WWOX: variants seen among roughly 807,000 people sequenced by gnomAD.
The protein encoded by WWOX is WW domain containing oxidoreductase.
A neutral mutation model predicts 46.2 loss-of-function variants in WWOX; 69 were observed. That is an observed-to-expected ratio of 1.49 (90% CI 1.23 to 1.82). WWOX has a LOEUF of 1.82. Among genes scored for constraint, WWOX ranks in the 40% most tolerant of loss-of-function variants. The probability of loss-of-function intolerance (pLI) is 0.00; values close to 1 mark genes in which losing one functional copy is unlikely to be tolerated. For missense variants in WWOX, 919 were observed against 542.6 expected (o/e 1.69, Z -6.89); for synonymous variants, 359 against 202.6 (o/e 1.77, Z -6.56).
rs74844173 is a variant in WWOX at position 78,623,862 on chromosome 16, C to A, written c.1056+191110C>A. Among the ~76,000 whole-genome samples the A allele has an allele frequency of 3.1e-3, 472 of 152,252 alleles. 2 individuals are homozygous for A. The highest frequency in any genetic ancestry group is 0.011 in the African/African-American group (443 of 41,542). On this transcript the variant is annotated intron_variant, in intron 8 of 8. Transcript: ENST00000566780. ...ATACGGACATTATTTAGACACACTT[C>A]CACCTACAGAGTCACATATTGTATA... is the stretch of plus-strand genomic sequence containing the variant.
At chr16:78,361,673 G>A (rs1193617084) in intron 5 of WWOX, among the ~76,000 whole-genome samples, 2 of 152,086 alleles carry the variant, frequency 1.3e-5, no homozygotes, top group Non-Finnish European at 2.9e-5. Flanking sequence ...GTGTAATGGT[G>A]CGATATCGGC....
chr16:78,711,540 G>A (rs2048444950), intron 8 of WWOX, among the ~76,000 whole-genome samples: 4 of 152,190 alleles, frequency 2.6e-5, no homozygotes, highest in Admixed American at 2.0e-4. Flanking sequence ...AAGGCCAGCC[G>A]CAAAGATTGT....
At chr16:78,972,537 G>A (rs4888894) in intron 8 of WWOX, among the ~76,000 whole-genome samples, 146,143 of 151,574 alleles carry the variant, frequency 0.96, 70,684 homozygotes, top group East Asian at 1. Flanking sequence ...CTGGGGGAGG[G>A]AGGGTGAAGA....
Position 79,095,380 on chromosome 16 carries a change from C to A in WWOX, c.1057-116228C>A, listed in dbSNP as rs1204265702. 3.9e-5 allele frequency among the ~76,000 whole-genome samples: 6 copies of A among 152,060 alleles called. No individual in the cohort carries two copies. In the East Asian group the frequency reaches 1.2e-3, roughly 29 times the overall value. On this transcript the variant is annotated intron_variant, in intron 8 of 8. Transcript: ENST00000566780. ...ATAATGGTCCCTTGGCAGAATTATTCTTATTTTCAGAATGGAGAAATTGAG... is the reference window on the plus strand; with the variant it reads ...ATAATGGTCCCTTGGCAGAATTATTATTATTTTCAGAATGGAGAAATTGAG...
chr16:78,793,245 G>A (rs1238843321), intron 8 of WWOX, among the ~76,000 whole-genome samples: 1 of 152,026 alleles, frequency 6.6e-6, no homozygotes, highest in Non-Finnish European at 1.5e-5. Context: ...TTTTTTTGTA[G>A]AGACGGTGTT....
At chr16:78,279,849 G>A (rs1397631315) in intron 5 of WWOX, among the ~76,000 whole-genome samples, 1 of 152,226 alleles carries the variant, frequency 6.6e-6, no homozygotes, top group Non-Finnish European at 1.5e-5. Context: ...ATGCAGTATG[G>A]ATGTATTTTC....
chr16:78,793,240 T>C (rs1180652920), intron 8 of WWOX, among the ~76,000 whole-genome samples: 1 of 152,106 alleles, frequency 6.6e-6, no homozygotes, highest in South Asian at 2.1e-4. Flanking sequence ...TTATATTTTT[T>C]TGTAGAGACG....
chr16:78,472,799 A>G, intron 8 of WWOX, among the ~76,000 whole-genome samples: 1 of 137,084 alleles, frequency 7.3e-6, no homozygotes, highest in Admixed American at 7.4e-5. Context: ...ACAAGAGTGA[A>G]ACTCCATCTC....
chr16:79,134,840 C>G (rs2049952746), intron 8 of WWOX, among the ~76,000 whole-genome samples: 1 of 152,104 alleles, frequency 6.6e-6, no homozygotes, highest in Non-Finnish European at 1.5e-5. Context: ...CTAATGGGTC[C>G]CCACCAGGGG....
chr16:78,909,033 C>A (rs746646156), intron 8 of WWOX, among the ~76,000 whole-genome samples: 1 of 152,286 alleles, frequency 6.6e-6, no homozygotes. Context: ...GGGCTGTTAT[C>A]ATCTTTTGTT....
intron 8 of WWOX, among the ~76,000 whole-genome samples, chr16:78,803,000 C>A (rs1160388099): frequency 6.9e-6 from 1 of 144,970 alleles, no homozygotes; most frequent in Non-Finnish European, 1.5e-5. Context: ...TTTTCATCAC[C>A]AGGCCTGCCA....
intron 8 of WWOX, among the ~76,000 whole-genome samples, chr16:78,792,455 G>A (rs1038938796): frequency 2.6e-5 from 4 of 152,156 alleles, no homozygotes; most frequent in African/African-American, 4.8e-5. Context: ...TCATATGGTC[G>A]TACTCCAGGG....
At chr16:78,873,399 G>A (rs966731563) in intron 8 of WWOX, 1 of 151,654 alleles carries the variant, frequency 6.6e-6, no homozygotes, top group Non-Finnish European at 1.5e-5. Flanking sequence ...CTTTTAAATA[G>A]CAGCACAAAT....
chr16:78,179,141 T>G (rs762571213), intron 5 of WWOX, among the ~76,000 whole-genome samples: 9 of 152,220 alleles, frequency 5.9e-5, no homozygotes, highest in Non-Finnish European at 8.8e-5. Context: ...TCTGCAGTGC[T>G]TTAAAGAATC....
Position 78,894,095 on chromosome 16 carries a change from A to G in WWOX, c.1057-317513A>G, listed in dbSNP as rs550304352. On this transcript the variant is annotated intron_variant, in intron 8 of 8. Coordinates refer to ENST00000566780, the MANE Select transcript of WWOX (RefSeq NM_016373.4). ...GCTTTCTTGCCCAGGAAGGAGTGCAATAGTGTAGTCATGGCTCACTGCAGC... is the reference window on the plus strand; with the variant it reads ...GCTTTCTTGCCCAGGAAGGAGTGCAGTAGTGTAGTCATGGCTCACTGCAGC... Among the ~76,000 whole-genome samples the G allele has an allele frequency of 5.3e-5, 8 of 150,112 alleles. 1 individual carries two copies. Among genetic ancestry groups the G allele is most frequent in the South Asian group, 4.2e-4 (2 of 4,750 alleles).
intron 8 of WWOX, among the ~76,000 whole-genome samples, chr16:79,043,414 A>T (rs1345482968): frequency 6.6e-6 from 1 of 152,162 alleles, no homozygotes; most frequent in Non-Finnish European, 1.5e-5. Context: ...TAAGACCAAC[A>T]TTGAGGATGA....
intron 8 of WWOX, among the ~76,000 whole-genome samples, chr16:78,545,984 G>T (rs773876760): frequency 3.3e-5 from 5 of 152,094 alleles, no homozygotes; most frequent in Admixed American, 1.3e-4. Context: ...CACATGGAGG[G>T]TTAGAACTTC....
chr16:78,692,039 T>C (rs2048001953), intron 8 of WWOX, among the ~76,000 whole-genome samples: 2 of 152,216 alleles, frequency 1.3e-5, no homozygotes, highest in South Asian at 2.1e-4. Context: ...GCCTTTTGCC[T>C]ACCACCATGT....
intron 5 of WWOX, among the ~76,000 whole-genome samples, chr16:78,181,976 A>G (rs2035545208): frequency 6.6e-6 from 1 of 152,180 alleles, no homozygotes; most frequent in Admixed American, 6.5e-5. Context: ...TTTCCGCACC[A>G]GGCTCCACTT....
Sources: gnomAD v4.1 joint callset for allele counts (sites outside exome capture counted in the v4.1 genomes callset) on GRCh38, gnomAD v4.1.1 for gene constraint, MANE v1.5 for transcripts, NCBI Gene and HGNC (gene_info 2026-07-23, HGNC 2026-07-21) for gene names.